The following OTOG variants were observed in gnomAD, a reference collection of about 807,000 sequenced individuals.
OTOG encodes otogelin.
Under a neutral mutation model 313.8 loss-of-function variants are expected in OTOG, and 296 were observed. The observed-to-expected ratio is 0.94, with a 90% CI of 0.86 to 1.04. The LOEUF (loss-of-function observed/expected upper bound fraction) is 1.04, where lower values mean the gene tolerates loss of function less well. Ranked by LOEUF, OTOG falls within the 50% of genes least tolerant of loss-of-function variation. The probability of loss-of-function intolerance (pLI) is 0.00; values close to 1 mark genes in which losing one functional copy is unlikely to be tolerated. For synonymous variants in OTOG, 1,533 were observed against 1,554.9 expected (o/e 0.99, Z 0.33); for missense variants, 3,948 against 3,840.1 (o/e 1.03, Z -0.74).
At chr11:17,552,796 C>G (rs1007952095) in intron 4 of OTOG, among the ~76,000 whole-genome samples, 4 of 152,244 alleles carry the variant, frequency 2.6e-5, no homozygotes, top group Non-Finnish European at 5.9e-5. Context: ...CCCCTGCTCA[C>G]CCCACATGCT....
rs534479572 is a variant in OTOG, at chr11:17,586,387, G to A, written c.2760-87G>A. On this transcript the variant is annotated intron_variant, in intron 23 of 55. Coordinates refer to ENST00000399397, the MANE Select transcript of OTOG (RefSeq NM_001292063.2). ...AGGGTAAATGCTGGGAGCCACCTCC[G>A]AGCATCCAGATTGAGGCAGGGTCCT... 19 of 730,298 alleles carry A rather than the reference G, an allele frequency of 2.6e-5. No individual in the cohort carries two copies. The South Asian group carries it at 4.7e-4, about 18-fold the overall frequency. 45.2% of individuals were successfully genotyped at this position (730,298 alleles called of 1,614,324 possible).
At chr11:17,552,571 A>C (rs1431357709) in intron 4 of OTOG, among the ~76,000 whole-genome samples, 3 of 118,144 alleles carry the variant, frequency 2.5e-5, no homozygotes, top group Admixed American at 1.9e-4. Flanking sequence ...TGTGTCCCCC[A>C]CCTGTCCTGT....
intron 15 of OTOG, among the ~76,000 whole-genome samples, chr11:17,566,590 C>T (rs1852297826): frequency 2.0e-5 from 3 of 152,194 alleles, no homozygotes; most frequent in South Asian, 2.1e-4. Context: ...CTAGCTTCCT[C>T]CTCTTGCTTA....
At chr11:17,601,943 G>T (rs978612160) in intron 31 of OTOG, among the ~76,000 whole-genome samples, 1 of 152,154 alleles carries the variant, frequency 6.6e-6, no homozygotes, top group Admixed American at 6.5e-5. Context: ...GGTGCTCCCT[G>T]TGGGTCGCCT....
chr11:17,553,067 G>A (rs1851978133), intron 4 of OTOG, 52 bp from the exon 5 acceptor site: 2 of 1,522,602 alleles, frequency 1.3e-6, no homozygotes, highest in African/African-American at 1.4e-5. Flanking sequence ...TGCCTCCCTG[G>A]GTTCTGCCAA....
In OTOG at chr11:17,641,909, C is replaced by T. The variant is rs1249304349; in HGVS notation, c.8253C>T (p.Ser2751=). ...AACCGSCRNV[S]CLFTFPNGTT... ...GCTGCGGCTCCTGCAGGAACGTGTCCTGTCTCTTCACCTTCCCCAATGGCA... is the reference window on the plus strand; with the variant it reads ...GCTGCGGCTCCTGCAGGAACGTGTCTTGTCTCTTCACCTTCCCCAATGGCA... The change falls in exon 52 of 56, where the codon TCC becomes TCT. Residue 2751 remains serine, a synonymous_variant. Transcript: ENST00000399397. 1.3e-6 allele frequency: 2 copies of T among 1,550,354 alleles called. No homozygotes were observed. Among genetic ancestry groups the T allele is most frequent in the East Asian group, 4.9e-5 (2 of 40,904 alleles).
intron 47 of OTOG, among the ~76,000 whole-genome samples, chr11:17,635,948 G>A (rs1037188943): frequency 1.3e-5 from 2 of 152,178 alleles, no homozygotes; most frequent in African/African-American, 4.8e-5. Context: ...GCCCCCAAGG[G>A]CCAGACAGAG....
intron 28 of OTOG, 37 bp from the exon 29 acceptor site, chr11:17,596,001 A>C: frequency 7.0e-7 from 1 of 1,426,258 alleles, no homozygotes; most frequent in African/African-American, 1.4e-5. Context: ...GGCATTTGGC[A>C]AGTAGGGAGG....
intron 15 of OTOG, among the ~76,000 whole-genome samples, chr11:17,562,046 A>AAAAAAT (rs1440986349): frequency 1.3e-4 from 18 of 139,830 alleles, no homozygotes; most frequent in South Asian, 6.7e-4. Flanking sequence ...CTAAAAAAAA[A>AAAAAAT]ATATATATAT....
At chr11:17,559,304 A>G (rs1852126775) in intron 11 of OTOG, 143 bp downstream of exon 11, 4 of 930,468 alleles carry the variant, frequency 4.3e-6, no homozygotes, top group Admixed American at 2.8e-5. Flanking sequence ...AGAAAGACGA[A>G]AAAACTGAGG....
At chr11:17,619,680 TC>T (rs1439559308) in intron 39 of OTOG, among the ~76,000 whole-genome samples, 1 of 152,208 alleles carries the variant, frequency 6.6e-6, no homozygotes, top group Admixed American at 6.5e-5. Flanking sequence ...TACTGCTATT[TC>T]CTTTCACCAA....
In OTOG at chr11:17,613,646, T is replaced by G; in HGVS notation, c.6473T>G (p.Met2158Arg). 6.4e-7 allele frequency: 1 copy of G among 1,550,776 alleles called. No homozygotes were observed. The highest frequency in any genetic ancestry group is 8.7e-7 in the Non-Finnish European group (1 of 1,147,056). ...HLNWPPFCLV[M>R]LNMTHLAHQV... ...AACTGGCCCCCGTTCTGTCTGGTGA[T>G]GTTGAACATGACTCACTTGGCCCAT... The change falls in exon 39 of 56, where the codon ATG becomes AGG. Residue 2158 changes from methionine (M) to arginine (R), a missense_variant. Met to Arg is a moderately conservative substitution (Grantham distance 91). Coordinates refer to ENST00000399397, the MANE Select transcript of OTOG (RefSeq NM_001292063.2).
chr11:17,568,001 G>A (rs1365487898), intron 15 of OTOG, among the ~76,000 whole-genome samples: 1 of 151,946 alleles, frequency 6.6e-6, no homozygotes. Flanking sequence ...TCCGCCTCCC[G>A]GGTTCACGCC....
intron 41 of OTOG, 32 bp downstream of exon 41, chr11:17,631,954 A>G: frequency 1.3e-6 from 2 of 1,546,086 alleles, no homozygotes; most frequent in South Asian, 2.4e-5. Flanking sequence ...CACTGGGGAC[A>G]CCTCCTGGGC....
chr11:17,623,506 C>T (rs1256551954), intron 39 of OTOG, among the ~76,000 whole-genome samples: 1 of 152,176 alleles, frequency 6.6e-6, no homozygotes, highest in Non-Finnish European at 1.5e-5. Flanking sequence ...CATAGTATTC[C>T]ATGGTGTGTA....
rs528731996 is a variant in OTOG at position 17,644,238 on chromosome 11, G to A, written c.8461+732G>A. Among the ~76,000 whole-genome samples, 6 of 152,386 alleles carry A rather than the reference G, an allele frequency of 3.9e-5. No homozygotes were observed. In the East Asian group the frequency reaches 1.2e-3, roughly 29 times the overall value. On this transcript the variant is annotated intron_variant, in intron 54 of 55. Transcript: ENST00000399397. ...GGACTGCCACTGCTTTGCTCTTGCT[G>A]GTCACTCAGCCAGTCTTAGTCCAGG...
At chr11:17,639,805 A>G (rs1847929892) in intron 49 of OTOG, among the ~76,000 whole-genome samples, 3 of 148,908 alleles carry the variant, frequency 2.0e-5, no homozygotes, top group African/African-American at 7.6e-5. Flanking sequence ...TATGGTAATA[A>G]TGCAATGATG....
intron 23 of OTOG, 94 bp downstream of exon 23, chr11:17,578,620 C>T (rs1852594461): frequency 7.1e-7 from 1 of 1,408,668 alleles, no homozygotes; most frequent in Admixed American, 2.7e-5. Context: ...CATCACATGG[C>T]CTTGTAGGAA....
intron 2 of OTOG, 25 bp from the exon 3 acceptor site, chr11:17,548,127 C>A: frequency 6.5e-7 from 1 of 1,542,718 alleles, no homozygotes; most frequent in Non-Finnish European, 8.8e-7. Flanking sequence ...GCCCCCCATC[C>A]ATGCCAGACT....
Sources: allele counts gnomAD v4.1 joint callset (sites outside exome capture counted in the v4.1 genomes callset), GRCh38; gene constraint gnomAD v4.1.1; transcripts MANE v1.5; gene names NCBI Gene and HGNC (gene_info 2026-07-23, HGNC 2026-07-21).